Variants in TRMT13 observed in about 807,000 individuals in gnomAD.
TRMT13 encodes tRNA:m(4)X modification enzyme TRM13 homolog.
TRMT13 carries 45 observed loss-of-function variants against 55.9 expected under a neutral mutation model. That is an observed-to-expected ratio of 0.80 (90% CI 0.63 to 1.03). The LOEUF is 1.03. Ranked by LOEUF, TRMT13 falls within the 50% of genes least tolerant of loss-of-function variation. The probability of loss-of-function intolerance (pLI) is 0.00; values close to 1 mark genes in which losing one functional copy is unlikely to be tolerated. For synonymous variants in TRMT13, 183 were observed against 196.3 expected (o/e 0.93, Z 0.57); for missense variants, 513 against 563.9 (o/e 0.91, Z 0.91).
Position 100,148,342 on chromosome 1 carries a change from T to G in TRMT13, c.1250+16T>G. ...GTTTGCCTGGGTAAGAGACTACTTT[T>G]GTAATGCATGATACTAAAGGAGAAA... On this transcript the variant is annotated intron_variant, in intron 10 of 10. Transcript: ENST00000370141. 6.2e-7 allele frequency: 1 copy of G among 1,603,858 alleles called. No homozygotes were observed. Among genetic ancestry groups the G allele is most frequent in the Non-Finnish European group, 8.5e-7 (1 of 1,173,528 alleles).
chr1:100,134,959 G>A (rs1206868884), intron 1 of TRMT13, among the ~76,000 whole-genome samples: 2 of 151,984 alleles, frequency 1.3e-5, no homozygotes, highest in Admixed American at 1.3e-4. Context: ...TTTTTTCTAA[G>A]TGTCATATAT....
chr1:100,136,815 A>G (rs774350364), intron 1 of TRMT13, 67 bp from the exon 2 acceptor site: 2 of 1,318,020 alleles, frequency 1.5e-6, no homozygotes, highest in Middle Eastern at 2.7e-4. Context: ...CACTGAAGTT[A>G]TATCTGGTAT....
chr1:100,143,585 T>C (rs1055466105), intron 8 of TRMT13, among the ~76,000 whole-genome samples: 4 of 152,172 alleles, frequency 2.6e-5, no homozygotes, highest in African/African-American at 9.6e-5. Context: ...GAGATATTTC[T>C]CTGCCTAGCT....
Position 100,147,884 on chromosome 1 carries a change from G to T in TRMT13, c.818-10G>T, listed in dbSNP as rs1190608046. On this transcript the variant is annotated splice_polypyrimidine_tract_variant and intron_variant, in intron 9 of 10. Coordinates refer to ENST00000370141, the MANE Select transcript of TRMT13 (RefSeq NM_019083.3). ...TGTGGTTTGGGGGGGCCACATAATTGTGTTTGCAGATCTTGCATTACGATG... is the reference window on the plus strand; with the variant it reads ...TGTGGTTTGGGGGGGCCACATAATTTTGTTTGCAGATCTTGCATTACGATG... The T allele has an allele frequency of 6.3e-7, 1 of 1,579,992 alleles. No individual in the cohort carries two copies. The highest frequency in any genetic ancestry group is 1.2e-5 in the South Asian group (1 of 85,526).
Position 100,137,085 on chromosome 1 carries a change from TGTAA to T in TRMT13, c.261+3_261+6del. On this transcript the variant is annotated splice_donor_variant and splice_donor_region_variant and intron_variant, in intron 3 of 10. Transcript: ENST00000370141. LOFTEE classifies it high-confidence loss of function. The stretch of plus-strand genomic sequence containing the variant: ...GTAACTCAAGAGAGAAACCAAAACC[TGTAA>T]GTGTTTGATCAGTAAAATTGAATGG... 1 of 1,610,770 alleles carries T rather than the reference TGTAA, an allele frequency of 6.2e-7. No homozygotes were observed. The highest frequency in any genetic ancestry group is 8.5e-7 in the Non-Finnish European group (1 of 1,178,790).
At chr1:100,139,526 T>G (rs1180613155) in intron 3 of TRMT13, 123 bp from the exon 4 acceptor site, 7 of 630,338 alleles carry the variant, frequency 1.1e-5, no homozygotes, top group Non-Finnish European at 1.7e-5. Context: ...CATGAAGAAA[T>G]GAATGGAGGA....
chr1:100,147,789 GT>G, intron 9 of TRMT13, 104 bp from the exon 10 acceptor site: 2 of 1,113,946 alleles, frequency 1.8e-6, no homozygotes, highest in South Asian at 1.8e-5. Context: ...GGTTTTTGCT[GT>G]TTTTATTGTT....
rs772787455 is a variant in TRMT13 at position 100,149,132 on chromosome 1, C to T, written c.*312C>T. ...ACATAACATGTCAACACATAATTAG[C>T]GTATTTCTGTTTGTATTAATTTTGG... is the stretch of plus-strand genomic sequence containing the variant. On this transcript the variant is annotated 3_prime_UTR_variant, in exon 11 of 11. Transcript: ENST00000370141. 5.0e-5 allele frequency: 79 copies of T among 1,570,478 alleles called. No homozygotes were observed. The highest frequency in any genetic ancestry group is 4.8e-4 in the East Asian group (21 of 43,954).
intron 9 of TRMT13, among the ~76,000 whole-genome samples, chr1:100,145,511 C>G (rs1038622158): frequency 6.6e-6 from 1 of 152,140 alleles, no homozygotes; most frequent in African/African-American, 2.4e-5. Flanking sequence ...TTGCGATACT[C>G]TTATTTCCTG....
At position 100,148,708 on chromosome 1, in the gene TRMT13, A is replaced by G. The variant is rs753579448; in HGVS notation, c.1334A>G (p.Gln445Arg). The change falls in exon 11 of 11, where the codon CAG becomes CGG. Residue 445 changes from glutamine (Q) to arginine (R), a missense_variant. Around this residue, in one of 3 missense-constraint regions of TRMT13, gnomAD observed 209 missense variants for 255.8 expected, o/e 0.82. Coordinates refer to ENST00000370141, the MANE Select transcript of TRMT13 (RefSeq NM_019083.3). ...CAAGGTCGAATCCAGTATTTGCAGC[A>G]GAAGGGATTCAGTCCTGCTTTGCAG... Reference protein sequence around the residue: ...IDQGRIQYLQQKGFSPALQYY... With the variant: ...IDQGRIQYLQRKGFSPALQYY... The G allele has an allele frequency of 5.0e-6, 8 of 1,613,414 alleles. No homozygotes were observed. In the Admixed American group the frequency reaches 5.0e-5, roughly 10 times the overall value.
intron 7 of TRMT13, 157 bp from the exon 8 acceptor site, chr1:100,142,978 AGT>A: frequency 3.6e-6 from 2 of 558,292 alleles, no homozygotes; most frequent in Non-Finnish European, 6.3e-6. Context: ...TTTTTTAAAA[AGT>A]GTGATATTTT....
At position 100,145,285 on chromosome 1, in the gene TRMT13, C is replaced by T. The variant is rs1184108761; in HGVS notation, c.817+1142C>T. Among the ~76,000 whole-genome samples the T allele has an allele frequency of 2.0e-5, 3 of 152,206 alleles. 1 individual carries two copies. The highest frequency in any genetic ancestry group is 2.0e-4 in the Admixed American group (3 of 15,278). ...ACACCAATAGTTAAGCAATGCATGA[C>T]TGTACTTTTGCATACCTTATCTCAT... On this transcript the variant is annotated intron_variant, in intron 9 of 10. Transcript: ENST00000370141.
chr1:100,140,890 T>C lies in TRMT13; in HGVS notation c.540T>C (p.Leu180=). 6.2e-7 allele frequency: 1 copy of C among 1,613,542 alleles called. No homozygotes were observed. Among genetic ancestry groups the C allele is most frequent in the Non-Finnish European group, 8.5e-7 (1 of 1,179,700 alleles). Residue 180 remains leucine, a synonymous_variant, in exon 7 of 11, where the codon CTT becomes CTC. Transcript: ENST00000370141. ...ILGNIENLKL[L]GPRRCFVEFG... ...GTAACATTGAAAATTTAAAGTTACT[T>C]GGTCCAAGAAGATGCTTTGTTGAGT...
At chr1:100,143,990 T>G in intron 8 of TRMT13, 79 bp from the exon 9 acceptor site, 1 of 1,209,660 alleles carries the variant, frequency 8.3e-7, no homozygotes, top group Non-Finnish European at 1.2e-6. Flanking sequence ...TCAGAGACTC[T>G]AATTAGTTCT....
chr1:100,139,628 T>C (rs566065232), intron 3 of TRMT13, 21 bp from the exon 4 acceptor site: 2 of 1,442,036 alleles, frequency 1.4e-6, no homozygotes, highest in Admixed American at 1.8e-5. Context: ...ACAGTTCTTT[T>C]ATGGTTTTGT....
rs1557911703 is a variant in TRMT13, at chr1:100,143,151, CAGAA to C, written c.690_693del (p.Lys231IlefsTer16). On this transcript the variant is annotated frameshift_variant, in exon 8 of 11. Transcript: ENST00000370141. LOFTEE classifies it high-confidence loss of function. ...TGTTTGTGCAGGTGGATGGAAAACA[CAGAA>C]AGAAAAATTCAGTGTTTGAAAGACT... The C allele has an allele frequency of 7.5e-6, 12 of 1,608,782 alleles. 1 individual carries two copies. Among genetic ancestry groups the C allele is most frequent in the African/African-American group, 5.3e-5 (4 of 74,804 alleles).
intron 1 of TRMT13, among the ~76,000 whole-genome samples, chr1:100,135,097 G>A (rs1471944034): frequency 6.6e-6 from 1 of 152,104 alleles, no homozygotes; most frequent in African/African-American, 2.4e-5. Flanking sequence ...ACATCTAATG[G>A]ATAGAGACCA....
At chr1:100,135,203 T>G (rs1655654042) in intron 1 of TRMT13, among the ~76,000 whole-genome samples, 2 of 152,274 alleles carry the variant, frequency 1.3e-5, no homozygotes, top group African/African-American at 2.4e-5. Flanking sequence ...GTGCCAAGAT[T>G]GAGAATTCCT....
Position 100,143,188 on chromosome 1 carries a change from G to T in TRMT13, c.721G>T (p.Asp241Tyr). The change falls in exon 8 of 11, where the codon GAT becomes TAT. Residue 241 changes from aspartate to tyrosine, a missense_variant. Around this residue, in one of 3 missense-constraint regions of TRMT13, gnomAD observed 298 missense variants for 290.3 expected, o/e 1.03. Coordinates refer to ENST00000370141, the MANE Select transcript of TRMT13 (RefSeq NM_019083.3). ...TTCAGTGTTTGAAAGACTTCAAATT[G>T]ATATTCAACACTTGTGTTTGAGTAA... ...KNSVFERLQI[D>Y]IQHLCLNKIP... is the part of the protein sequence containing the mutation. The T allele has an allele frequency of 6.2e-7, 1 of 1,608,366 alleles. No homozygotes were observed. Among genetic ancestry groups the T allele is most frequent in the Non-Finnish European group, 8.5e-7 (1 of 1,176,276 alleles).
Sources: allele counts gnomAD v4.1 joint callset (sites outside exome capture counted in the v4.1 genomes callset), GRCh38; gene constraint gnomAD v4.1.1; regional missense constraint gnomAD v4.1.1; transcripts MANE v1.5; gene names NCBI Gene and HGNC (gene_info 2026-07-23, HGNC 2026-07-21).